SUSD4: variants seen among roughly 807,000 people sequenced by gnomAD.
SUSD4 encodes sushi domain-containing protein 4.
SUSD4 carries 41 observed loss-of-function variants against 50.5 expected under a neutral mutation model. The observed-to-expected ratio is 0.81, with a 90% CI of 0.63 to 1.05. The LOEUF (loss-of-function observed/expected upper bound fraction) is 1.05, where lower values mean the gene tolerates loss of function less well. Among genes scored for constraint, SUSD4 ranks in the 50% least tolerant of loss-of-function variants. The pLI is 0.00. For synonymous variants in SUSD4, 257 were observed against 257.3 expected, an observed-to-expected ratio of 1.00 and a Z score of 0.01; for missense variants, 580 against 634.7, an observed-to-expected ratio of 0.91 and a Z score of 0.93.
At chr1:223,289,095 C>A in intron 3 of SUSD4, 1 of 985,332 alleles carries the variant, frequency 1.0e-6, no homozygotes, top group Non-Finnish European at 1.2e-6. Flanking sequence ...TGGTGGCCAG[C>A]ACCCTGGCCT....
At chr1:223,246,318 C>T (rs1234484754) in intron 5 of SUSD4, among the ~76,000 whole-genome samples, 1 of 152,056 alleles carries the variant, frequency 6.6e-6, no homozygotes, top group African/African-American at 2.4e-5. Context: ...AGTAGAGACC[C>T]TAAGAAAAGC....
intron 2 of SUSD4, among the ~76,000 whole-genome samples, chr1:223,312,502 G>A (rs981763164): frequency 6.6e-6 from 1 of 152,126 alleles, no homozygotes; most frequent in Admixed American, 6.5e-5. Context: ...CTTTGGCAAA[G>A]TACAGAAGGT....
chr1:223,236,458 C>CT (rs952291090), intron 5 of SUSD4, among the ~76,000 whole-genome samples: 35 of 151,888 alleles, frequency 2.3e-4, no homozygotes, highest in African/African-American at 8.5e-4. Flanking sequence ...ATGTTATACT[C>CT]TAAGAGTTTC....
At chr1:223,239,628 G>A (rs756137359) in intron 5 of SUSD4, among the ~76,000 whole-genome samples, 1 of 151,928 alleles carries the variant, frequency 6.6e-6, no homozygotes, top group African/African-American at 2.4e-5. Flanking sequence ...GGTAGTATGA[G>A]TACCTTATAA....
intron 2 of SUSD4, among the ~76,000 whole-genome samples, chr1:223,302,784 G>T (rs969488422): frequency 6.6e-6 from 1 of 152,204 alleles, no homozygotes; most frequent in Admixed American, 6.5e-5. Context: ...GGAGATGCCC[G>T]CGTGGGCCAG....
chr1:223,283,598 T>C (rs528574116), intron 3 of SUSD4, among the ~76,000 whole-genome samples: 1 of 152,290 alleles, frequency 6.6e-6, no homozygotes, highest in South Asian at 2.1e-4. Context: ...CTGGAGAGGA[T>C]GTGGAGAAAT....
At chr1:223,301,446 T>C (rs1665188617) in intron 2 of SUSD4, among the ~76,000 whole-genome samples, 1 of 152,232 alleles carries the variant, frequency 6.6e-6, no homozygotes, top group Non-Finnish European at 1.5e-5. Flanking sequence ...GATATTGGTT[T>C]CATGAAACAG....
At chr1:223,278,613 GCCTCTGTAGACTCCA>G (rs1663453967) in intron 3 of SUSD4, among the ~76,000 whole-genome samples, 2 of 152,242 alleles carry the variant, frequency 1.3e-5, no homozygotes, top group Non-Finnish European at 2.9e-5. Context: ...AGGCCTGCCT[GCCTCTGTAGACTCCA>G]CCTTTTGGGG....
At chr1:223,223,736 C>T in intron 7 of SUSD4, 105 bp from the exon 8 acceptor site, 1 of 1,338,472 alleles carries the variant, frequency 7.5e-7, no homozygotes, top group South Asian at 1.5e-5. Flanking sequence ...CCACGATGGG[C>T]AGCAGAGTCC....
At position 223,353,000 on chromosome 1, in the gene SUSD4, T is replaced by C. The variant is rs181516954; in HGVS notation, c.148+10278A>G. ...GAGCACCTATAACAAATCACTCGCC[T>C]GCTTCACATGTTTAATCTCTTTTTC... On this transcript the variant is annotated intron_variant, in intron 2 of 8. Transcript: ENST00000366878. 1.3e-3 allele frequency among the ~76,000 whole-genome samples: 203 copies of C among 152,294 alleles called. 1 individual carries two copies. The highest frequency in any genetic ancestry group is 4.7e-3 in the African/African-American group (195 of 41,552).
intron 7 of SUSD4, among the ~76,000 whole-genome samples, chr1:223,224,777 G>T (rs1387926765): frequency 6.6e-6 from 1 of 152,056 alleles, no homozygotes; most frequent in Admixed American, 6.5e-5. Context: ...CACAGCCTGG[G>T]CTCCGTGTGA....
chr1:223,270,768 C>T (rs1265157944), intron 3 of SUSD4, among the ~76,000 whole-genome samples: 1 of 152,074 alleles, frequency 6.6e-6, no homozygotes, highest in Non-Finnish European at 1.5e-5. Context: ...GGAGTTTCAC[C>T]ATATCAGCCA....
chr1:223,257,929 G>A (rs115785055), intron 5 of SUSD4, among the ~76,000 whole-genome samples: 7,005 of 152,250 alleles, frequency 0.046, 259 homozygotes, highest in Non-Finnish European at 0.069. Flanking sequence ...TATTGGGAAC[G>A]GTATGGACTC....
At chr1:223,321,466 A>G (rs1267604061) in intron 2 of SUSD4, among the ~76,000 whole-genome samples, 1 of 152,250 alleles carries the variant, frequency 6.6e-6, no homozygotes, top group African/African-American at 2.4e-5. Context: ...TGCCTGGTCC[A>G]TGGTAAGTAA....
Position 223,223,567 on chromosome 1 carries a change from G to A in SUSD4, c.1126C>T (p.Leu376Phe), listed in dbSNP as rs1659283480. 6.2e-7 allele frequency: 1 copy of A among 1,613,166 alleles called. No homozygotes were observed. The change falls in exon 8 of 9, where the codon CTC (leucine) becomes TTC (phenylalanine). Residue 376 changes from leucine to phenylalanine, a missense_variant. Coordinates refer to ENST00000366878, the MANE Select transcript of SUSD4 (RefSeq NM_017982.4). ...CTCACAGCTTCGTCATAGGACGGGA[G>A]CATGACGGGCACGCCGTCTACCACC... ...FVVVDGVPVM[L>F]PSYDEAVSGG... is the part of the protein sequence containing the mutation.
chr1:223,343,633 GACAC>G (rs1006378457), intron 2 of SUSD4, among the ~76,000 whole-genome samples: 1 of 152,128 alleles, frequency 6.6e-6, no homozygotes, highest in Non-Finnish European at 1.5e-5. Flanking sequence ...ATAGAAAAGA[GACAC>G]ACATCACTTT....
intron 2 of SUSD4, among the ~76,000 whole-genome samples, chr1:223,306,272 A>T (rs1157849528): frequency 6.6e-6 from 1 of 152,168 alleles, no homozygotes; most frequent in African/African-American, 2.4e-5. Context: ...ACTGCTCTAT[A>T]AAAGCATGCC....
At chr1:223,309,202 T>C (rs1342670411) in intron 2 of SUSD4, among the ~76,000 whole-genome samples, 1 of 152,190 alleles carries the variant, frequency 6.6e-6, no homozygotes, top group Non-Finnish European at 1.5e-5. Flanking sequence ...GGTAGCATAA[T>C]TAAATATAAA....
At chr1:223,362,912 A>T (rs1288278807) in intron 2 of SUSD4, among the ~76,000 whole-genome samples, 1 of 143,196 alleles carries the variant, frequency 7.0e-6, no homozygotes, top group Non-Finnish European at 1.5e-5. Flanking sequence ...GTCCACAAAT[A>T]CACCACTCCC....
Sources: gnomAD v4.1 joint callset for allele counts (sites outside exome capture counted in the v4.1 genomes callset) on GRCh38, gnomAD v4.1.1 for gene constraint, MANE v1.5 for transcripts, NCBI Gene and HGNC (gene_info 2026-07-23, HGNC 2026-07-21) for gene names.